The following SORCS1 variants were observed in gnomAD, a reference collection of about 807,000 sequenced individuals.
SORCS1 encodes sortilin related VPS10 domain containing receptor 1, also known as VPS10 domain-containing receptor SorCS1.
SORCS1 carries 60 observed loss-of-function variants against 146.1 expected under a neutral mutation model. That is an observed-to-expected ratio of 0.41 (90% CI 0.33 to 0.51). The LOEUF (loss-of-function observed/expected upper bound fraction) is 0.51. Among genes scored for constraint, SORCS1 ranks in the 20% least tolerant of loss-of-function variants. SORCS1 has a pLI of 0.21. For synonymous variants in SORCS1, 637 were observed against 584.0 expected, an observed-to-expected ratio of 1.09 and a Z score of -1.31; for missense variants, 1,352 against 1,487.6, an observed-to-expected ratio of 0.91 and a Z score of 1.50.
intron 18 of SORCS1, among the ~76,000 whole-genome samples, chr10:106,649,346 C>G (rs781365397): frequency 9.9e-5 from 15 of 152,180 alleles, no homozygotes; most frequent in Non-Finnish European, 1.5e-4. Flanking sequence ...CCCCTGTATG[C>G]TCCCCTAGAG....
At chr10:107,035,802 T>G (rs1343000518) in intron 1 of SORCS1, among the ~76,000 whole-genome samples, 1 of 152,072 alleles carries the variant, frequency 6.6e-6, no homozygotes, top group East Asian at 1.9e-4. Flanking sequence ...CACTCTTAAG[T>G]GCTTTACTTG....
chr10:107,161,009 T>TC (rs1332025811), intron 1 of SORCS1, among the ~76,000 whole-genome samples: 1 of 151,934 alleles, frequency 6.6e-6, no homozygotes, highest in Non-Finnish European at 1.5e-5. Context: ...TGCCAGAAGA[T>TC]CCCCCCAGGT....
intron 2 of SORCS1, among the ~76,000 whole-genome samples, chr10:106,898,227 C>T (rs1379751032): frequency 6.6e-6 from 1 of 152,198 alleles, no homozygotes; most frequent in African/African-American, 2.4e-5. Flanking sequence ...TGTCATTTTG[C>T]TCTTCAGATT....
Position 106,892,916 on chromosome 10 carries a change from T to C in SORCS1, c.627-63243A>G, listed in dbSNP as rs931113548. On this transcript the variant is annotated intron_variant, in intron 2 of 25. Coordinates refer to ENST00000263054, the MANE Select transcript of SORCS1 (RefSeq NM_052918.5). Reference sequence around the variant, plus strand: ...AGCCCTTTTTTTTTTTTTTTTGAGATAGAGTTTTGCTTTTTTTGCCCAGAC... The same window carrying C: ...AGCCCTTTTTTTTTTTTTTTTGAGACAGAGTTTTGCTTTTTTTGCCCAGAC... Among the ~76,000 whole-genome samples, 6 of 142,524 alleles carry C rather than the reference T, an allele frequency of 4.2e-5. No homozygotes were observed. The South Asian group carries it at 9.0e-4, about 21-fold the overall frequency. The allele number at this position is 142,524 out of a possible 152,430, so 93.5% of individuals were successfully genotyped here. A position where few individuals can be genotyped will look rare whatever the true frequency, so the allele number is the denominator to read the frequency against.
chr10:106,913,187 G>C (rs1473445965), intron 2 of SORCS1, among the ~76,000 whole-genome samples: 1 of 152,026 alleles, frequency 6.6e-6, no homozygotes, highest in Non-Finnish European at 1.5e-5. Flanking sequence ...GAAAAAGAAA[G>C]TCTCTTTCTT....
At chr10:107,071,510 C>G (rs1962425076) in intron 1 of SORCS1, among the ~76,000 whole-genome samples, 1 of 152,166 alleles carries the variant, frequency 6.6e-6, no homozygotes, top group African/African-American at 2.4e-5. Flanking sequence ...CCCTGGAGCC[C>G]TTGCAATGTG....
intron 1 of SORCS1, among the ~76,000 whole-genome samples, chr10:107,061,904 T>A (rs1252317685): frequency 3.3e-5 from 5 of 152,164 alleles, no homozygotes; most frequent in African/African-American, 1.2e-4. Flanking sequence ...GTGAAATAAA[T>A]ATTAGAAGAG....
chr10:107,093,108 C>A (rs888335986), intron 1 of SORCS1, among the ~76,000 whole-genome samples: 1 of 152,120 alleles, frequency 6.6e-6, no homozygotes, highest in African/African-American at 2.4e-5. Context: ...TGCTAGTAAG[C>A]ACTCAAACTA....
At chr10:106,782,173 T>C (rs376796886) in intron 3 of SORCS1, among the ~76,000 whole-genome samples, 67 of 152,344 alleles carry the variant, frequency 4.4e-4, no homozygotes, top group African/African-American at 1.6e-3. Flanking sequence ...AACTATGGCA[T>C]TGTATTTTAA....
intron 6 of SORCS1, among the ~76,000 whole-genome samples, chr10:106,728,723 A>G (rs985086544): frequency 6.6e-6 from 1 of 152,284 alleles, no homozygotes; most frequent in Middle Eastern, 3.4e-3. Context: ...CTTTGTGTTC[A>G]GAAGAGCCAA....
chr10:106,760,215 T>A (rs551614842), intron 5 of SORCS1, among the ~76,000 whole-genome samples: 2 of 150,766 alleles, frequency 1.3e-5, no homozygotes, highest in African/African-American at 4.9e-5. Context: ...GAGGCCGAGG[T>A]GGGGGGATCT....
chr10:107,139,549 A>G lies in SORCS1; in HGVS notation c.558+24420T>C, dbSNP rs1406907446. Among the ~76,000 whole-genome samples, 6 of 152,306 alleles carry G rather than the reference A, an allele frequency of 3.9e-5. No homozygotes were observed. In the East Asian group the frequency reaches 1.2e-3, roughly 29 times the overall value. The stretch of plus-strand genomic sequence containing the variant: ...GAGAGAAAGAGAAAAGGAAAGACAG[A>G]GGGGAAAAAACAGACAGCAGATTCT... On this transcript the variant is annotated intron_variant, in intron 1 of 25. Transcript: ENST00000263054.
chr10:107,139,549 A>AG (rs1967621440), intron 1 of SORCS1, among the ~76,000 whole-genome samples: 2 of 152,188 alleles, frequency 1.3e-5, no homozygotes, highest in African/African-American at 2.4e-5. Context: ...GGAAAGACAG[A>AG]GGGGAAAAAA....
At chr10:107,137,483 T>G (rs1163811066) in intron 1 of SORCS1, among the ~76,000 whole-genome samples, 2 of 152,170 alleles carry the variant, frequency 1.3e-5, no homozygotes, top group African/African-American at 4.8e-5. Context: ...CTAGAATGTA[T>G]CAAAAGTTCT....
intron 1 of SORCS1, among the ~76,000 whole-genome samples, chr10:107,011,387 C>T (rs964324071): frequency 1.3e-5 from 2 of 152,208 alleles, no homozygotes; most frequent in Non-Finnish European, 2.9e-5. Context: ...AGAAACACGA[C>T]CTTCCACATA....
intron 2 of SORCS1, among the ~76,000 whole-genome samples, chr10:106,865,749 A>G (rs1436459276): frequency 6.6e-6 from 1 of 151,374 alleles, no homozygotes; most frequent in Non-Finnish European, 1.5e-5. Context: ...ATAAAATAAA[A>G]TAAAAATAAA....
At chr10:106,579,164 C>T (rs770178376) in intron 25 of SORCS1, 2 of 1,614,070 alleles carry the variant, frequency 1.2e-6, no homozygotes, top group South Asian at 1.1e-5. Flanking sequence ...GGACATTGGG[C>T]CTGCTTTCAG....
intron 1 of SORCS1, among the ~76,000 whole-genome samples, chr10:107,071,714 C>T (rs1425088315): frequency 1.3e-5 from 2 of 152,160 alleles, no homozygotes; most frequent in Non-Finnish European, 2.9e-5. Context: ...AAGACAGGTC[C>T]TAACACTCAC....
At chr10:106,799,129 A>G (rs1310851145) in intron 3 of SORCS1, among the ~76,000 whole-genome samples, 1 of 152,218 alleles carries the variant, frequency 6.6e-6, no homozygotes, top group Non-Finnish European at 1.5e-5. Flanking sequence ...AGAAATGGGG[A>G]AAGGATTTCC....
Sources: gnomAD v4.1 joint callset for allele counts (sites outside exome capture counted in the v4.1 genomes callset) on GRCh38, gnomAD v4.1.1 for gene constraint, MANE v1.5 for transcripts, NCBI Gene and HGNC (gene_info 2026-07-23, HGNC 2026-07-21) for gene names.